IFT46: variants seen among roughly 807,000 people sequenced by gnomAD.
IFT46 encodes the protein intraflagellar transport protein 46 homolog.
In IFT46, 19 loss-of-function variants were observed where a neutral mutation model predicts 39.6. That is an observed-to-expected ratio of 0.48 (90% CI 0.33 to 0.70). IFT46 has a LOEUF of 0.70. IFT46 is among the 30% of genes least tolerant of loss of function. The probability of loss-of-function intolerance (pLI) is 0.01; values close to 1 mark genes in which losing one functional copy is unlikely to be tolerated. For synonymous variants in IFT46, 117 were observed against 134.8 expected, an observed-to-expected ratio of 0.87 and a Z score of 0.91; for missense variants, 334 against 364.8, an observed-to-expected ratio of 0.92 and a Z score of 0.69.
chr11:118,545,349 A>G, intron 11 of IFT46, 60 bp downstream of exon 11: 1 of 1,233,952 alleles, frequency 8.1e-7, no homozygotes, highest in South Asian at 1.2e-5. Flanking sequence ...CAGGCTCAGA[A>G]CAGTAGAAAC....
intron 4 of IFT46, among the ~76,000 whole-genome samples, chr11:118,556,455 T>C (rs1487741517): frequency 2.0e-5 from 3 of 152,054 alleles, no homozygotes; most frequent in African/African-American, 7.3e-5. Flanking sequence ...ATCACGCCAC[T>C]GCACTCCAGC....
chr11:118,561,107 G>A (rs1938041588), intron 2 of IFT46: 4 of 1,508,248 alleles, frequency 2.7e-6, no homozygotes, highest in Middle Eastern at 2.2e-4. Context: ...TCAGCCAGGT[G>A]CCTTTACCTG....
chr11:118,566,117 T>C (rs1555071463), upstream of IFT46: 1 of 152,138 alleles, frequency 6.6e-6, no homozygotes, highest in South Asian at 2.1e-4. Flanking sequence ...CTAGCGGCTA[T>C]GGGTGGCAAC....
upstream of IFT46, among the ~76,000 whole-genome samples, chr11:118,568,130 G>C (rs1327103754): frequency 6.6e-6 from 1 of 152,188 alleles, no homozygotes; most frequent in Non-Finnish European, 1.5e-5. Context: ...CTGAGCTTCT[G>C]AGATCCAAGT....
At position 118,556,929 on chromosome 11, in the gene IFT46, T is replaced by G. The variant is rs375175992; in HGVS notation, c.162A>C (p.Glu54Asp). The change falls in exon 4 of 12, where the codon GAA becomes GAC. Residue 54 changes from glutamate to aspartate, a missense_variant. By Grantham distance (45) the Glu-to-Asp change is conservative. Coordinates refer to ENST00000264021, the MANE Select transcript of IFT46 (RefSeq NM_001168618.2). ...ETDSDSDDDDEEHGAPLEGAY... is the reference protein window; with the variant it reads ...ETDSDSDDDDDEHGAPLEGAY... ...ACCCTTCCAGAGGGGCTCCATGCTC[T>G]TCATCATCATCATCAGAATCAGAAT... 2.7e-5 allele frequency: 44 copies of G among 1,608,078 alleles called. No homozygotes were observed. The highest frequency in any genetic ancestry group is 3.4e-5 in the Non-Finnish European group (40 of 1,176,808).
intron 2 of IFT46, among the ~76,000 whole-genome samples, chr11:118,563,217 T>C (rs1476046536): frequency 2.0e-5 from 3 of 150,088 alleles, no homozygotes; most frequent in African/African-American, 5.1e-5. Flanking sequence ...ATTTCACTTA[T>C]GTGGTTCCCA....
Position 118,554,606 on chromosome 11 carries a change from A to C in IFT46, c.355-19T>G. The C allele has an allele frequency of 6.3e-7, 1 of 1,576,388 alleles. No individual in the cohort carries two copies. Among genetic ancestry groups the C allele is most frequent in the Non-Finnish European group, 8.6e-7 (1 of 1,167,488 alleles). ...GTGGGACCTGGTTAAGAAAAAGGTAAGAAAGCAGAAAGGAAAATGTTTCCA... is the reference window on the plus strand; with the variant it reads ...GTGGGACCTGGTTAAGAAAAAGGTACGAAAGCAGAAAGGAAAATGTTTCCA... On this transcript the variant is annotated intron_variant, in intron 6 of 11. Coordinates refer to ENST00000264021, the MANE Select transcript of IFT46 (RefSeq NM_001168618.2).
intron 2 of IFT46, among the ~76,000 whole-genome samples, chr11:118,562,129 T>C (rs1345198072): frequency 6.6e-6 from 1 of 151,868 alleles, no homozygotes; most frequent in African/African-American, 2.4e-5. Context: ...ACAAAAAAAT[T>C]AGCCAGGTGT....
chr11:118,568,824 T>G (rs1938281197), upstream of IFT46, among the ~76,000 whole-genome samples: 1 of 151,526 alleles, frequency 6.6e-6, no homozygotes, highest in Non-Finnish European at 1.5e-5. Flanking sequence ...CCCAGCTAAT[T>G]TTTGTATTTT....
intron 9 of IFT46, among the ~76,000 whole-genome samples, chr11:118,549,790 TG>T (rs1293121914): frequency 6.6e-6 from 1 of 152,096 alleles, no homozygotes; most frequent in Non-Finnish European, 1.5e-5. Context: ...CCCAAAGTGC[TG>T]GGATTACAGG....
intron 1 of IFT46, among the ~76,000 whole-genome samples, chr11:118,571,966 T>A (rs1257444858): frequency 2.6e-5 from 4 of 151,730 alleles, no homozygotes; most frequent in African/African-American, 4.8e-5. Context: ...GGCGCGTGCC[T>A]GTAATCCCAG....
chr11:118,550,419 C>T lies in IFT46; in HGVS notation c.672+1367G>A, dbSNP rs1034605189. 7.9e-5 allele frequency among the ~76,000 whole-genome samples: 12 copies of T among 152,130 alleles called. No homozygotes were observed. The South Asian group carries it at 2.5e-3, about 32-fold the overall frequency. ...TTTTTCAGTCATGCTCCTTCTGTATCTCCTATATTTTATTATATTACTTAC... is the reference window on the plus strand; with the variant it reads ...TTTTTCAGTCATGCTCCTTCTGTATTTCCTATATTTTATTATATTACTTAC... On this transcript the variant is annotated intron_variant, in intron 9 of 11. Coordinates refer to ENST00000264021, the MANE Select transcript of IFT46 (RefSeq NM_001168618.2).
intron 1 of IFT46, chr11:118,572,436 G>T (rs1052112722): frequency 1.4e-5 from 16 of 1,161,268 alleles, no homozygotes; most frequent in Non-Finnish European, 8.3e-6. Flanking sequence ...AGCGGCAGCG[G>T]TTCCTGTCAA....
intron 3 of IFT46, among the ~76,000 whole-genome samples, chr11:118,559,091 C>T (rs1329192895): frequency 2.6e-5 from 4 of 151,850 alleles, no homozygotes; most frequent in African/African-American, 9.7e-5. Flanking sequence ...TGGTCTCAAA[C>T]TCCTGACCTC....
At chr11:118,548,510 G>A (rs908642430) in intron 9 of IFT46, among the ~76,000 whole-genome samples, 6 of 150,976 alleles carry the variant, frequency 4.0e-5, no homozygotes, top group African/African-American at 1.5e-4. Context: ...GACTACAGGC[G>A]TGCATCACCA....
upstream of IFT46, among the ~76,000 whole-genome samples, chr11:118,576,701 G>A (rs1278660967): frequency 6.6e-6 from 1 of 152,162 alleles, no homozygotes; most frequent in Admixed American, 6.5e-5. Context: ...GTAACAGAGA[G>A]ACCTGTGTCA....
At chr11:118,557,729 A>T (rs782289402) in intron 3 of IFT46, 1 of 1,613,866 alleles carries the variant, frequency 6.2e-7, no homozygotes, top group Non-Finnish European at 8.5e-7. Flanking sequence ...TCTTGACATT[A>T]TAACCTACCT....
chr11:118,562,041 G>A (rs1486111413), intron 2 of IFT46, among the ~76,000 whole-genome samples: 1 of 152,132 alleles, frequency 6.6e-6, no homozygotes, highest in Admixed American at 6.5e-5. Context: ...TTGGGAGGCT[G>A]AGGCGGGTGG....
chr11:118,559,022 A>T (rs1462775406), intron 3 of IFT46, among the ~76,000 whole-genome samples: 1 of 149,348 alleles, frequency 6.7e-6, no homozygotes, highest in Non-Finnish European at 1.5e-5. Flanking sequence ...ACCCGCCACC[A>T]CGCCCAGCTA....
Sources: gnomAD v4.1 joint callset for allele counts (sites outside exome capture counted in the v4.1 genomes callset) on GRCh38, gnomAD v4.1.1 for gene constraint, MANE v1.5 for transcripts, NCBI Gene and HGNC (gene_info 2026-07-23, HGNC 2026-07-21) for gene names.